The following THUMPD3 variants were observed in gnomAD, a reference collection of about 807,000 sequenced individuals.
THUMPD3 encodes the protein THUMP domain 3 tRNA guanosine methyltransferase.
THUMPD3 carries 44 observed loss-of-function variants against 54.5 expected under a neutral mutation model. That is an observed-to-expected ratio of 0.81 (90% confidence interval 0.63 to 1.04). The LOEUF (loss-of-function observed/expected upper bound fraction) is 1.04. Ranked by LOEUF, THUMPD3 falls within the 50% of genes least tolerant of loss-of-function variation. The probability of loss-of-function intolerance (pLI) is 0.00; values close to 1 mark genes in which losing one functional copy is unlikely to be tolerated. For synonymous variants in THUMPD3, 196 were observed against 201.4 expected (o/e 0.97, Z 0.23); for missense variants, 604 against 601.3 (o/e 1.00, Z -0.05).
At position 9,380,576 on chromosome 3, in the gene THUMPD3, A is replaced by G. The variant is rs1336561821; in HGVS notation, c.1082A>G (p.Asn361Ser). 9.3e-6 allele frequency: 15 copies of G among 1,613,672 alleles called. No individual in the cohort carries two copies. The highest frequency in any genetic ancestry group is 1.3e-5 in the Non-Finnish European group (15 of 1,179,840). ...NNPLAVNRAA[N>S]NIASLLTKSQ... is the part of the protein sequence containing the mutation. ...CCACTGGCTGTGAATAGAGCAGCAA[A>G]TAACATTGCATCTTTATTGACCAAG... Residue 361 changes from asparagine to serine, a missense_variant, in exon 7 of 10, where the codon AAT becomes AGT. Asn to Ser is a conservative substitution (Grantham distance 46, BLOSUM62 1). Coordinates refer to ENST00000452837, the MANE Select transcript of THUMPD3 (RefSeq NM_001114092.2).
intron 2 of THUMPD3, among the ~76,000 whole-genome samples, chr3:9,365,885 C>T (rs897445517): frequency 6.6e-6 from 1 of 151,940 alleles, no homozygotes; most frequent in Non-Finnish European, 1.5e-5. Context: ...CCACTGCGCT[C>T]GGCCTGCCAG....
chr3:9,371,295 A>G lies in THUMPD3; in HGVS notation c.566A>G (p.Glu189Gly). 1 of 1,614,080 alleles carries G rather than the reference A, an allele frequency of 6.2e-7. No individual in the cohort carries two copies. The highest frequency in any genetic ancestry group is 1.7e-5 in the Admixed American group (1 of 60,018). Residue 189 changes from glutamate to glycine, a missense_variant, in exon 4 of 10, where the codon GAA (glutamate) becomes GGA (glycine). Coordinates refer to ENST00000452837, the MANE Select transcript of THUMPD3 (RefSeq NM_001114092.2). ...ALDSHILDYY[E>G]NPAIKEDVST... ...GATTCTCATATCTTAGATTATTATGAAAATCCAGCCATCAAAGAGGATGTA... is the reference window on the plus strand; with the variant it reads ...GATTCTCATATCTTAGATTATTATGGAAATCCAGCCATCAAAGAGGATGTA...
intron 7 of THUMPD3, among the ~76,000 whole-genome samples, chr3:9,381,757 T>A (rs1415740070): frequency 1.6e-3 from 4 of 2,484 alleles, no homozygotes; most frequent in Admixed American, 8.8e-3. Flanking sequence ...CAACCCGTAC[T>A]TTTTTTTTTT....
At chr3:9,368,954 T>G (rs565956284) in intron 3 of THUMPD3, among the ~76,000 whole-genome samples, 47 of 152,336 alleles carry the variant, frequency 3.1e-4, no homozygotes, top group African/African-American at 1.0e-3. Flanking sequence ...ATATACAAGT[T>G]GAGTATCCCT....
chr3:9,372,733 T>C (rs946386774), intron 4 of THUMPD3, among the ~76,000 whole-genome samples: 14 of 152,212 alleles, frequency 9.2e-5, no homozygotes, highest in Non-Finnish European at 1.6e-4. Flanking sequence ...TTACTTTCCT[T>C]GGTCTTAATC....
intron 4 of THUMPD3, 146 bp from the exon 5 acceptor site, chr3:9,374,370 T>A (rs999415519): frequency 1.2e-6 from 1 of 860,152 alleles, no homozygotes; most frequent in African/African-American, 1.7e-5. Flanking sequence ...TGCACTAAGT[T>A]TGGCATCAAT....
At chr3:9,375,561 G>A (rs564358590) in intron 5 of THUMPD3, among the ~76,000 whole-genome samples, 1 of 152,316 alleles carries the variant, frequency 6.6e-6, no homozygotes, top group South Asian at 2.1e-4. Flanking sequence ...TATTAGTGAG[G>A]ATTAAATGCT....
intron 7 of THUMPD3, chr3:9,380,878 AT>A (rs2032835232): frequency 3.7e-6 from 1 of 267,636 alleles, no homozygotes; most frequent in African/African-American, 2.3e-5. Context: ...TTGGAAGAAT[AT>A]TTTATAGACT....
intron 1 of THUMPD3, 53 bp from the exon 2 acceptor site, chr3:9,364,963 T>C (rs1198522098): frequency 1.6e-5 from 23 of 1,444,874 alleles, no homozygotes; most frequent in East Asian, 2.3e-5. Flanking sequence ...TTTTTAATTA[T>C]AACTGAAATA....
rs1472452003 is a variant in THUMPD3, at chr3:9,384,546, T to A, written c.1382T>A (p.Val461Glu). The A allele has an allele frequency of 6.2e-7, 1 of 1,614,230 alleles. No individual in the cohort carries two copies. Among genetic ancestry groups the A allele is most frequent in the South Asian group, 1.1e-5 (1 of 91,088 alleles). The change falls in exon 10 of 10, where the codon GTA (valine) becomes GAA (glutamate). Residue 461 changes from valine (V) to glutamate (E), a missense_variant. Physicochemically the swap from Val to Glu is moderately radical, Grantham distance 121. Transcript: ENST00000452837. ...FTKALSGMRH[V>E]WRKVDTVWVN... ...CAGGCGTTATCTGGAATGCGACACG[T>A]ATGGCGAAAGGTGGATACAGTCTGG...
intron 4 of THUMPD3, among the ~76,000 whole-genome samples, chr3:9,371,749 G>C (rs1305128872): frequency 6.6e-6 from 1 of 152,180 alleles, no homozygotes; most frequent in African/African-American, 2.4e-5. Flanking sequence ...GTTTCAAATG[G>C]AGCCAATAAT....
chr3:9,381,873 G>A (rs1485678863), intron 7 of THUMPD3, among the ~76,000 whole-genome samples: 3 of 137,106 alleles, frequency 2.2e-5, no homozygotes, highest in South Asian at 2.6e-4. Context: ...TCCGCCTCCC[G>A]GGTTCACGCC....
In THUMPD3 at chr3:9,371,176, A is replaced by G; in HGVS notation, c.447A>G (p.Ile149Met). The stretch of plus-strand genomic sequence containing the variant: ...AGAAAAAAGCAAAGCGCAAAAAGAT[A>G]AATCAGAATTCAAGTAAAGAGAAGA... Reference protein sequence around the residue: ...FKKKKAKRKKINQNSSKEKIN... With the variant: ...FKKKKAKRKKMNQNSSKEKIN... The change falls in exon 4 of 10, where the codon ATA becomes ATG. Residue 149 changes from isoleucine (I) to methionine (M), a missense_variant. Transcript: ENST00000452837. 6.2e-7 allele frequency: 1 copy of G among 1,612,242 alleles called. No individual in the cohort carries two copies. Among genetic ancestry groups the G allele is most frequent in the Non-Finnish European group, 8.5e-7 (1 of 1,179,650 alleles).
rs1372581686 is a variant in THUMPD3 at position 9,366,664 on chromosome 3, C to T, written c.253-244C>T. Among the ~76,000 whole-genome samples, 5 of 152,216 alleles carry T rather than the reference C, an allele frequency of 3.3e-5. No individual in the cohort carries two copies. The South Asian group carries it at 6.2e-4, about 19-fold the overall frequency. On this transcript the variant is annotated intron_variant, in intron 2 of 9. Transcript: ENST00000452837. ...CACCTTTCTCTTCTCCCACAAAAGA[C>T]GTGTTGCCCACAAAACACTTCATGC...
At chr3:9,375,470 C>G (rs754615953) in intron 5 of THUMPD3, among the ~76,000 whole-genome samples, 7 of 152,182 alleles carry the variant, frequency 4.6e-5, no homozygotes, top group Non-Finnish European at 8.8e-5. Context: ...GTGCTTCTTT[C>G]CACCACTTGA....
intron 2 of THUMPD3, among the ~76,000 whole-genome samples, chr3:9,366,020 ATT>A (rs1559298731): frequency 6.6e-6 from 1 of 152,088 alleles, no homozygotes; most frequent in Non-Finnish European, 1.5e-5. Context: ...GGATTGCTAC[ATT>A]TTTAGAGGTG....
In THUMPD3 at chr3:9,367,861, C is replaced by T. The variant is rs187362464; in HGVS notation, c.330+876C>T. ...CGGGTGGATCATGAGGTCAGGAGAT[C>T]GAGACCATCCTGGCTAACACGGTGA... On this transcript the variant is annotated intron_variant, in intron 3 of 9. Coordinates refer to ENST00000452837, the MANE Select transcript of THUMPD3 (RefSeq NM_001114092.2). Among the ~76,000 whole-genome samples the T allele has an allele frequency of 8.0e-3, 1,217 of 152,054 alleles. 20 individuals carry two copies. Among genetic ancestry groups the T allele is most frequent in the African/African-American group, 0.027 (1,115 of 41,458 alleles).
intron 5 of THUMPD3, among the ~76,000 whole-genome samples, chr3:9,376,994 A>T (rs1266460931): frequency 6.6e-6 from 1 of 151,234 alleles, no homozygotes; most frequent in African/African-American, 2.4e-5. Flanking sequence ...AAAGTAAAGC[A>T]TTTTTTTTTC....
chr3:9,366,891 CTT>C lies in THUMPD3; in HGVS notation c.253-9_253-8del. The C allele has an allele frequency of 6.4e-7, 1 of 1,574,324 alleles. No individual in the cohort carries two copies. ...CAAAAGCTTTCTCAGAAATGTGTTT[CTT>C]TTTTTTTCACCCAGGTTCATTGTCT... On this transcript the variant is annotated splice_polypyrimidine_tract_variant and intron_variant, in intron 2 of 9. Transcript: ENST00000452837.
Sources: allele counts gnomAD v4.1 joint callset (sites outside exome capture counted in the v4.1 genomes callset), GRCh38; gene constraint gnomAD v4.1.1; transcripts MANE v1.5; gene names NCBI Gene and HGNC (gene_info 2026-07-23, HGNC 2026-07-21).